TMEM132C: variants seen among roughly 807,000 people sequenced by gnomAD.
TMEM132C encodes protein phosphatase 1, regulatory subunit 152.
Under a neutral mutation model 61.4 loss-of-function variants are expected in TMEM132C, and 29 were observed. That is an observed-to-expected ratio of 0.47 (90% CI 0.35 to 0.64). The LOEUF (loss-of-function observed/expected upper bound fraction) is 0.64, where lower values mean the gene tolerates loss of function less well. Among genes scored for constraint, TMEM132C ranks in the 30% least tolerant of loss-of-function variants. TMEM132C has a pLI of 0.00. For synonymous variants in TMEM132C, 656 were observed against 633.1 expected (o/e 1.04, Z -0.54); for missense variants, 1,408 against 1,476.9 (o/e 0.95, Z 0.76).
chr12:128,669,684 C>T (rs893124442), intron 5 of TMEM132C, 124 bp downstream of exon 5: 2 of 1,195,896 alleles, frequency 1.7e-6, no homozygotes, highest in Middle Eastern at 2.9e-4. Context: ...GTGCAACACA[C>T]TTCCAGCTGA....
chr12:128,445,148 G>A (rs1869933443), intron 2 of TMEM132C, among the ~76,000 whole-genome samples: 1 of 151,666 alleles, frequency 6.6e-6, no homozygotes, highest in Admixed American at 6.6e-5. Flanking sequence ...TGTTGCTATG[G>A]AAATTGTCGA....
intron 2 of TMEM132C, among the ~76,000 whole-genome samples, chr12:128,496,959 G>A (rs1290479072): frequency 6.6e-6 from 1 of 152,132 alleles, no homozygotes; most frequent in Non-Finnish European, 1.5e-5. Flanking sequence ...CGATCTTTGT[G>A]GTTTTATCTA....
At chr12:128,639,230 G>GTGA (rs372403758) in intron 4 of TMEM132C, among the ~76,000 whole-genome samples, 16,673 of 149,174 alleles carry the variant, frequency 0.11, 1,373 homozygotes, top group African/African-American at 0.22. Context: ...AATGACAATG[G>GTGA]TGATGATGAT....
At chr12:128,650,944 C>A (rs1480666206) in intron 4 of TMEM132C, among the ~76,000 whole-genome samples, 2 of 152,218 alleles carry the variant, frequency 1.3e-5, no homozygotes, top group African/African-American at 4.8e-5. Flanking sequence ...TAACACTGAC[C>A]AATCAGAAGG....
intron 1 of TMEM132C, among the ~76,000 whole-genome samples, chr12:128,376,902 G>A (rs1406860992): frequency 2.0e-5 from 3 of 152,174 alleles, no homozygotes; most frequent in Non-Finnish European, 2.9e-5. Context: ...CTGCTATGGC[G>A]TGGACCCCCA....
chr12:128,459,967 G>T (rs1870480510), intron 2 of TMEM132C, among the ~76,000 whole-genome samples: 1 of 151,304 alleles, frequency 6.6e-6, no homozygotes, highest in Non-Finnish European at 1.5e-5. Flanking sequence ...GTGGTATCCA[G>T]CAAGTGTTGA....
chr12:128,444,248 G>A (rs1593055404), intron 2 of TMEM132C, among the ~76,000 whole-genome samples: 1 of 152,294 alleles, frequency 6.6e-6, no homozygotes, highest in East Asian at 1.9e-4. Flanking sequence ...GTTCTTTGTA[G>A]CGTTCTCTTT....
chr12:128,693,703 G>A, intron 5 of TMEM132C, 126 bp from the exon 6 acceptor site: 1 of 1,094,584 alleles, frequency 9.1e-7, no homozygotes, highest in Non-Finnish European at 1.3e-6. Flanking sequence ...CTTGTCTCAG[G>A]CTCTGCTTTA....
At chr12:128,631,436 A>G (rs570290127) in intron 4 of TMEM132C, among the ~76,000 whole-genome samples, 2 of 152,306 alleles carry the variant, frequency 1.3e-5, no homozygotes, top group African/African-American at 2.4e-5. Flanking sequence ...CTCTTTCCTC[A>G]TCATTCTTCA....
At chr12:128,374,202 C>G (rs993198712) in intron 1 of TMEM132C, among the ~76,000 whole-genome samples, 1 of 152,120 alleles carries the variant, frequency 6.6e-6, no homozygotes, top group African/African-American at 2.4e-5. Context: ...ATCCGGGAGA[C>G]TATTGCATAG....
chr12:128,317,245 A>G (rs1872183323), intron 1 of TMEM132C, among the ~76,000 whole-genome samples: 1 of 152,208 alleles, frequency 6.6e-6, no homozygotes, highest in Non-Finnish European at 1.5e-5. Flanking sequence ...TCTTTGAGGA[A>G]CAAAGCCAAG....
At chr12:128,644,154 A>T (rs146319413) in intron 4 of TMEM132C, among the ~76,000 whole-genome samples, 4 of 152,316 alleles carry the variant, frequency 2.6e-5, no homozygotes, top group African/African-American at 9.6e-5. Flanking sequence ...GGTGGTGGGA[A>T]TGCAGTAGGG....
At chr12:128,573,182 G>A (rs138354779) in intron 3 of TMEM132C, among the ~76,000 whole-genome samples, 2,149 of 152,296 alleles carry the variant, frequency 0.014, 40 homozygotes, top group African/African-American at 0.049. Context: ...ACTCACAATA[G>A]CAAAGACTTG....
At chr12:128,428,913 CA>C (rs1869288563) in intron 2 of TMEM132C, among the ~76,000 whole-genome samples, 1 of 152,204 alleles carries the variant, frequency 6.6e-6, no homozygotes, top group African/African-American at 2.4e-5. Context: ...ACATATTAAG[CA>C]CTTAATATTA....
chr12:128,546,077 A>T (rs1873940453), intron 3 of TMEM132C, among the ~76,000 whole-genome samples: 1 of 152,156 alleles, frequency 6.6e-6, no homozygotes, highest in Non-Finnish European at 1.5e-5. Flanking sequence ...AGAAAAAGAA[A>T]ATCTGGTGTC....
rs1005184786 is a variant in TMEM132C at position 128,286,753 on chromosome 12, T to C, written c.85+19266T>C. ...CAAAGCAGCAAGATCCACACAGACA[T>C]TGAAGTTCCCATCCAGTCCATGCAG... On this transcript the variant is annotated intron_variant, in intron 1 of 8. Coordinates refer to ENST00000435159, the MANE Select transcript of TMEM132C (RefSeq NM_001136103.3). Among the ~76,000 whole-genome samples the C allele has an allele frequency of 2.0e-5, 3 of 152,190 alleles. No homozygotes were observed. The East Asian group carries it at 5.8e-4, about 29-fold the overall frequency.
intron 2 of TMEM132C, among the ~76,000 whole-genome samples, chr12:128,493,441 A>G (rs1024639164): frequency 6.6e-6 from 1 of 152,206 alleles, no homozygotes; most frequent in Non-Finnish European, 1.5e-5. Context: ...TACCTTGGGC[A>G]GTATGGCCAT....
chr12:128,320,716 G>A (rs1187168603), intron 1 of TMEM132C, among the ~76,000 whole-genome samples: 1 of 151,730 alleles, frequency 6.6e-6, no homozygotes, highest in Non-Finnish European at 1.5e-5. Flanking sequence ...AGAGGTCAAG[G>A]CTGCAGTGAG....
At chr12:128,627,069 G>A (rs766662995) in intron 4 of TMEM132C, among the ~76,000 whole-genome samples, 11 of 152,138 alleles carry the variant, frequency 7.2e-5, no homozygotes, top group Non-Finnish European at 1.3e-4. Flanking sequence ...CATCCTGAGA[G>A]GCACCTCACC....
Sources: allele counts gnomAD v4.1 joint callset (sites outside exome capture counted in the v4.1 genomes callset), GRCh38; gene constraint gnomAD v4.1.1; transcripts MANE v1.5; gene names NCBI Gene and HGNC (gene_info 2026-07-23, HGNC 2026-07-21).